Variants in HS6ST3 observed in about 807,000 individuals in gnomAD.
HS6ST3 encodes the protein heparan sulfate 6-O-sulfotransferase 3, also known as heparan-sulfate 6-O-sulfotransferase 3.
HS6ST3 carries 12 observed loss-of-function variants against 36.7 expected under a neutral mutation model. The observed-to-expected ratio is 0.33, with a 90% CI of 0.21 to 0.53. The LOEUF (loss-of-function observed/expected upper bound fraction) is 0.53, where lower values mean the gene tolerates loss of function less well. Among genes scored for constraint, HS6ST3 ranks in the 20% least tolerant of loss-of-function variants. HS6ST3 has a pLI of 0.95. For missense variants in HS6ST3, 584 were observed against 640.9 expected (o/e 0.91, Z 0.96); for synonymous variants, 240 against 257.5 (o/e 0.93, Z 0.65).
At chr13:96,091,615 C>T in intron 1 of HS6ST3, 46 bp downstream of exon 1, 4 of 1,513,076 alleles carry the variant, frequency 2.6e-6, no homozygotes, top group African/African-American at 1.4e-5. Flanking sequence ...CACCCCCCAT[C>T]CCTCTTCCTC....
intron 1 of HS6ST3, among the ~76,000 whole-genome samples, chr13:96,095,553 T>C (rs866945920): frequency 2.6e-5 from 4 of 152,036 alleles, no homozygotes; most frequent in African/African-American, 4.8e-5. Flanking sequence ...CACCGGAAGG[T>C]TGGGGAGAGG....
chr13:96,496,694 C>T lies in HS6ST3; in HGVS notation c.708-335796C>T, dbSNP rs142743741. 4.9e-3 allele frequency among the ~76,000 whole-genome samples: 752 copies of T among 152,286 alleles called. 12 individuals are homozygous for T. The highest frequency in any genetic ancestry group is 0.017 in the African/African-American group (695 of 41,560). On this transcript the variant is annotated intron_variant, in intron 1 of 1. Transcript: ENST00000376705. ...GACACTATGTGGAGGAGAAAATGCA[C>T]AGCTTAGCTGAGCTCAGCACAGACT...
chr13:96,101,456 A>G (rs2053818106), intron 1 of HS6ST3, among the ~76,000 whole-genome samples: 1 of 151,998 alleles, frequency 6.6e-6, no homozygotes, highest in Non-Finnish European at 1.5e-5. Flanking sequence ...TTTTGGGGGA[A>G]TGTGATATGT....
At chr13:96,791,655 G>A (rs570015962) in intron 1 of HS6ST3, among the ~76,000 whole-genome samples, 2 of 152,176 alleles carry the variant, frequency 1.3e-5, no homozygotes, top group South Asian at 4.1e-4. Flanking sequence ...TATAGAACAA[G>A]AAAGGATACC....
intron 1 of HS6ST3, among the ~76,000 whole-genome samples, chr13:96,337,762 C>A (rs927687816): frequency 6.6e-6 from 1 of 151,800 alleles, no homozygotes; most frequent in Admixed American, 6.6e-5. Context: ...CCTCTATTTT[C>A]TCTGTTTTTT....
chr13:96,183,402 A>C (rs11617543), intron 1 of HS6ST3, among the ~76,000 whole-genome samples: 3,879 of 152,204 alleles, frequency 0.025, 62 homozygotes, highest in East Asian at 0.055. Flanking sequence ...GCCTTAGGGG[A>C]AATTGCTGTG....
At chr13:96,156,732 A>G (rs547498260) in intron 1 of HS6ST3, among the ~76,000 whole-genome samples, 15 of 152,298 alleles carry the variant, frequency 9.8e-5, no homozygotes, top group African/African-American at 3.6e-4. Context: ...CTTCTCTGTA[A>G]GGATATTACT....
chr13:96,517,274 G>T (rs1057461098), intron 1 of HS6ST3, among the ~76,000 whole-genome samples: 8 of 152,096 alleles, frequency 5.3e-5, no homozygotes, highest in African/African-American at 1.9e-4. Context: ...CTACTACTCA[G>T]GAGGCTGAGG....
chr13:96,605,964 A>G (rs987181394), intron 1 of HS6ST3, among the ~76,000 whole-genome samples: 1 of 152,174 alleles, frequency 6.6e-6, no homozygotes, highest in Non-Finnish European at 1.5e-5. Flanking sequence ...GCCAACACAC[A>G]TGAAAAAATG....
intron 1 of HS6ST3, among the ~76,000 whole-genome samples, chr13:96,498,528 G>A (rs1308096613): frequency 1.3e-5 from 2 of 152,072 alleles, no homozygotes; most frequent in Admixed American, 6.6e-5. Context: ...TACCCATAGT[G>A]ACCACTCAGC....
At chr13:96,234,099 T>TC (rs2054520855) in intron 1 of HS6ST3, among the ~76,000 whole-genome samples, 1 of 147,372 alleles carries the variant, frequency 6.8e-6, no homozygotes, top group Non-Finnish European at 1.5e-5. Context: ...TTTTCATCTG[T>TC]TAAAAAAAAA....
rs528146888 is a variant in HS6ST3 at position 96,134,890 on chromosome 13, TATTAGA to T, written c.707+43328_707+43333del. Among the ~76,000 whole-genome samples, 552 of 152,322 alleles carry T rather than the reference TATTAGA, an allele frequency of 3.6e-3. 5 individuals carry two copies. Among genetic ancestry groups the T allele is most frequent in the Non-Finnish European group, 5.4e-3 (367 of 68,028 alleles). On this transcript the variant is annotated intron_variant, in intron 1 of 1. Transcript: ENST00000376705. The stretch of plus-strand genomic sequence containing the variant: ...TTCTTTATGGAAGGGGCATATTTTA[TATTAGA>T]ATTAGAGTTTTTCTTTTCTTGCATC...
intron 1 of HS6ST3, among the ~76,000 whole-genome samples, chr13:96,785,362 G>T (rs1416958277): frequency 6.6e-6 from 1 of 152,054 alleles, no homozygotes. Context: ...CAAAAATAAT[G>T]AAATCTTTGG....
At chr13:96,346,696 T>G (rs1466786319) in intron 1 of HS6ST3, among the ~76,000 whole-genome samples, 3 of 152,222 alleles carry the variant, frequency 2.0e-5, no homozygotes, top group South Asian at 4.1e-4. Context: ...TTACACTGAC[T>G]GAGACACACT....
chr13:96,096,904 A>G (rs1281133446), intron 1 of HS6ST3, among the ~76,000 whole-genome samples: 2 of 152,222 alleles, frequency 1.3e-5, no homozygotes, highest in Non-Finnish European at 2.9e-5. Context: ...ACTACCAAGA[A>G]GGTTAATTTT....
At chr13:96,678,087 G>A (rs577579679) in intron 1 of HS6ST3, among the ~76,000 whole-genome samples, 1 of 152,220 alleles carries the variant, frequency 6.6e-6, no homozygotes, top group African/African-American at 2.4e-5. Flanking sequence ...TCATCTTGCT[G>A]CATTATTCCC....
intron 1 of HS6ST3, among the ~76,000 whole-genome samples, chr13:96,381,701 G>A (rs971380013): frequency 6.6e-6 from 1 of 152,188 alleles, no homozygotes; most frequent in African/African-American, 2.4e-5. Flanking sequence ...AGCTGTGGCT[G>A]TGGAGTCTTA....
At chr13:96,099,762 G>A (rs1349684734) in intron 1 of HS6ST3, among the ~76,000 whole-genome samples, 2 of 152,104 alleles carry the variant, frequency 1.3e-5, no homozygotes, top group Non-Finnish European at 2.9e-5. Flanking sequence ...GATGTCCTCG[G>A]TATTTATTTA....
At chr13:96,389,133 C>G (rs1667995170) in intron 1 of HS6ST3, among the ~76,000 whole-genome samples, 1 of 152,036 alleles carries the variant, frequency 6.6e-6, no homozygotes, top group Non-Finnish European at 1.5e-5. Flanking sequence ...TATGTATATA[C>G]TAGACTTGCT....
Sources: allele counts gnomAD v4.1 joint callset (sites outside exome capture counted in the v4.1 genomes callset), GRCh38; gene constraint gnomAD v4.1.1; transcripts MANE v1.5; gene names NCBI Gene and HGNC (gene_info 2026-07-23, HGNC 2026-07-21).